Variants in PRSS23 observed in about 807,000 individuals in gnomAD.
PRSS23 encodes the protein protease, serine 23.
Under a neutral mutation model 34.7 loss-of-function variants are expected in PRSS23, and 25 were observed. The ratio of observed to expected loss-of-function variants is 0.72; its 90% CI spans 0.53 to 1.01. The LOEUF (loss-of-function observed/expected upper bound fraction) is 1.01. Among genes scored for constraint, PRSS23 ranks in the 50% least tolerant of loss-of-function variants. The pLI is 0.00. For missense variants in PRSS23, 445 were observed against 475.6 expected (o/e 0.94, Z 0.60); for synonymous variants, 176 against 186.6 (o/e 0.94, Z 0.46).
At chr11:86,819,929 T>C (rs1379434813) in intron 1 of PRSS23, among the ~76,000 whole-genome samples, 1 of 152,238 alleles carries the variant, frequency 6.6e-6, no homozygotes, top group East Asian at 1.9e-4. Flanking sequence ...AGACCTCCAG[T>C]GCTTTATCAA....
At chr11:86,901,540 A>G (rs17149499) in intron 2 of PRSS23, among the ~76,000 whole-genome samples, 17,476 of 152,166 alleles carry the variant, frequency 0.11, 1,536 homozygotes, top group African/African-American at 0.24. Context: ...GGAGATGCTA[A>G]GAAGGGAGGT....
At chr11:86,881,474 T>A (rs763262487) in intron 2 of PRSS23, among the ~76,000 whole-genome samples, 14 of 152,272 alleles carry the variant, frequency 9.2e-5, no homozygotes, top group South Asian at 4.1e-4. Flanking sequence ...ATATTTTTTT[T>A]AAAATATATG....
intron 2 of PRSS23, among the ~76,000 whole-genome samples, chr11:86,861,171 T>C (rs373409317): frequency 2.1e-4 from 31 of 150,820 alleles, no homozygotes; most frequent in African/African-American, 6.8e-4. Flanking sequence ...AAGGTGATAT[T>C]ACTCCCCATG....
chr11:86,829,863 G>A (rs1388211440), intron 2 of PRSS23, among the ~76,000 whole-genome samples: 2 of 152,200 alleles, frequency 1.3e-5, no homozygotes, highest in African/African-American at 4.8e-5. Flanking sequence ...TGTCTCAGAG[G>A]AGTACTTGGC....
chr11:86,854,902 C>T (rs1948557029), intron 2 of PRSS23, among the ~76,000 whole-genome samples: 1 of 152,188 alleles, frequency 6.6e-6, no homozygotes, highest in Non-Finnish European at 1.5e-5. Flanking sequence ...TGCGGTTGCT[C>T]ACGCCTGTAA....
intron 2 of PRSS23, among the ~76,000 whole-genome samples, chr11:86,845,417 T>C (rs1948479246): frequency 6.6e-6 from 1 of 152,242 alleles, no homozygotes; most frequent in Non-Finnish European, 1.5e-5. Context: ...AAATTCACTT[T>C]GTCTTTACTT....
intron 1 of PRSS23, among the ~76,000 whole-genome samples, chr11:86,803,764 A>G (rs1948067462): frequency 6.6e-6 from 1 of 152,010 alleles, no homozygotes; most frequent in African/African-American, 2.4e-5. Flanking sequence ...TACAATAGAG[A>G]ATATATGACC....
intron 2 of PRSS23, among the ~76,000 whole-genome samples, chr11:86,855,511 T>C (rs1161503018): frequency 2.0e-5 from 3 of 152,180 alleles, no homozygotes; most frequent in Non-Finnish European, 4.4e-5. Flanking sequence ...TGCGTGTGTG[T>C]GTGTGATGGA....
At chr11:86,894,428 G>A (rs999543599) in intron 2 of PRSS23, among the ~76,000 whole-genome samples, 2 of 152,178 alleles carry the variant, frequency 1.3e-5, no homozygotes, top group Non-Finnish European at 2.9e-5. Flanking sequence ...GGCTGGGTAA[G>A]CTACTCAGGG....
intron 2 of PRSS23, among the ~76,000 whole-genome samples, chr11:86,940,342 T>G (rs1181602316): frequency 6.6e-6 from 1 of 152,180 alleles, no homozygotes; most frequent in Non-Finnish European, 1.5e-5. Context: ...ACTCCTTGCC[T>G]CTGAAACACT....
At chr11:86,952,539 C>T (rs1949303746) in exon 3 of PRSS23, 6 of 1,562,016 alleles carry the variant, frequency 3.8e-6, no homozygotes, top group Non-Finnish European at 5.2e-6. Flanking sequence ...AATGCTCCCA[C>T]AAAGCTGAGT....
intron 1 of PRSS23, among the ~76,000 whole-genome samples, chr11:86,817,405 T>C (rs1284758287): frequency 2.6e-5 from 4 of 152,358 alleles, no homozygotes. Context: ...TGAGCAATTC[T>C]GTGACTGCAG....
chr11:86,830,783 A>G (rs1276813645), intron 2 of PRSS23, among the ~76,000 whole-genome samples: 2 of 152,124 alleles, frequency 1.3e-5, no homozygotes, highest in Non-Finnish European at 2.9e-5. Context: ...TATCCTAGGA[A>G]GATATTACTC....
chr11:86,859,080 G>A (rs1024699265), intron 2 of PRSS23, among the ~76,000 whole-genome samples: 1 of 151,890 alleles, frequency 6.6e-6, no homozygotes, highest in Non-Finnish European at 1.5e-5. Context: ...AAATGTCACA[G>A]GGACTGTACA....
intron 1 of PRSS23, among the ~76,000 whole-genome samples, chr11:86,803,248 A>T (rs1373854824): frequency 1.3e-5 from 2 of 152,160 alleles, no homozygotes; most frequent in African/African-American, 4.8e-5. Flanking sequence ...TCTTCATTCC[A>T]TTTTTAAGGT....
At chr11:86,891,623 T>A (rs1013182981) in intron 2 of PRSS23, among the ~76,000 whole-genome samples, 7 of 152,242 alleles carry the variant, frequency 4.6e-5, no homozygotes, top group African/African-American at 1.7e-4. Context: ...CCACATTTCT[T>A]AAACTAAATA....
intron 1 of PRSS23, among the ~76,000 whole-genome samples, chr11:86,802,283 C>T (rs149514850): frequency 4.6e-5 from 7 of 152,222 alleles, no homozygotes; most frequent in African/African-American, 1.7e-4. Context: ...ACCTGAAATC[C>T]GATAGAGAAG....
At chr11:86,950,500 G>T (rs1452984093) in intron 2 of PRSS23, 1 of 156,638 alleles carries the variant, frequency 6.4e-6, no homozygotes, top group Non-Finnish European at 1.4e-5. Flanking sequence ...CCTTATGTGT[G>T]TGAGTACAGT....
downstream of PRSS23, among the ~76,000 whole-genome samples, chr11:86,815,477 A>G (rs1017251191): frequency 6.6e-6 from 1 of 152,248 alleles, no homozygotes; most frequent in African/African-American, 2.4e-5. Context: ...GATGGTTTAT[A>G]TAACCCAGAA....
Sources: gnomAD v4.1 joint callset for allele counts (sites outside exome capture counted in the v4.1 genomes callset) on GRCh38, gnomAD v4.1.1 for gene constraint, MANE v1.5 for transcripts, NCBI Gene and HGNC (gene_info 2026-07-23, HGNC 2026-07-21) for gene names.